Variants in TTC8 observed in about 807,000 individuals in gnomAD.
TTC8 encodes tetratricopeptide repeat domain 8, also known as tetratricopeptide repeat protein 8.
TTC8 carries 47 observed loss-of-function variants against 72.5 expected under a neutral mutation model. That is an observed-to-expected ratio of 0.65 (90% CI 0.51 to 0.83). The LOEUF is 0.83. Ranked by LOEUF, TTC8 falls within the 40% of genes least tolerant of loss-of-function variation. TTC8 has a pLI of 0.00. For synonymous variants in TTC8, 199 were observed against 221.4 expected (o/e 0.90, Z 0.90); for missense variants, 611 against 623.2 (o/e 0.98, Z 0.21).
intron 8 of TTC8, among the ~76,000 whole-genome samples, chr14:88,853,608 T>A (rs533137648): frequency 6.6e-6 from 1 of 152,316 alleles, no homozygotes; most frequent in South Asian, 2.1e-4. Context: ...ACGTAACCAG[T>A]AAGTGGCAGA....
At chr14:88,824,286 G>A (rs1287662), upstream of TTC8, 34,839 of 166,694 alleles carry the variant, frequency 0.21, 3,922 homozygotes, top group Admixed American at 0.31. Flanking sequence ...GGAAACGAGC[G>A]AATGGAAGAA....
Position 88,843,787 on chromosome 14 carries a change from G to T in TTC8, c.580-19G>T. The T allele has an allele frequency of 1.9e-6, 3 of 1,573,888 alleles. No individual in the cohort carries two copies. Among genetic ancestry groups the T allele is most frequent in the South Asian group, 2.3e-5 (2 of 85,992 alleles). ...AAAAAAAAAAATCTAACGTATTTTT[G>T]ACACTTTTTTCTTCACAGGCTTTGT... On this transcript the variant is annotated intron_variant, in intron 6 of 14. Coordinates refer to ENST00000380656, the MANE Select transcript of TTC8 (RefSeq NM_144596.4).
intron 9 of TTC8, among the ~76,000 whole-genome samples, chr14:88,860,519 T>G (rs2094880481): frequency 6.6e-6 from 1 of 152,216 alleles, no homozygotes; most frequent in Non-Finnish European, 1.5e-5. Flanking sequence ...CTCTCAGGCC[T>G]TGTTCCATGG....
At chr14:88,872,209 A>G in intron 12 of TTC8, 121 bp from the exon 13 acceptor site, 1 of 1,389,036 alleles carries the variant, frequency 7.2e-7, no homozygotes, top group Non-Finnish European at 1.0e-6. Context: ...ATTCACATTG[A>G]CTTCTATAAT....
intron 13 of TTC8, among the ~76,000 whole-genome samples, chr14:88,872,859 T>A (rs1245704953): frequency 1.3e-5 from 2 of 152,036 alleles, no homozygotes; most frequent in East Asian, 3.9e-4. Flanking sequence ...GACCTCAGAG[T>A]CCCATCACAT....
chr14:88,826,600 A>G (rs908445710), intron 1 of TTC8, among the ~76,000 whole-genome samples: 2 of 152,032 alleles, frequency 1.3e-5, no homozygotes, highest in African/African-American at 4.8e-5. Flanking sequence ...GTTACTCGGG[A>G]GGCCGAGGTA....
At chr14:88,859,700 A>G (rs1009142976) in intron 9 of TTC8, among the ~76,000 whole-genome samples, 1 of 151,480 alleles carries the variant, frequency 6.6e-6, no homozygotes, top group African/African-American at 2.4e-5. Context: ...AGGCTGGAGG[A>G]TTGCTTGAGT....
intron 8 of TTC8, among the ~76,000 whole-genome samples, chr14:88,854,691 A>G (rs1484783232): frequency 1.3e-5 from 2 of 152,074 alleles, no homozygotes; most frequent in African/African-American, 4.8e-5. Context: ...ATTTTATTTT[A>G]TTATATTTTT....
chr14:88,848,306 T>C (rs997385669), intron 7 of TTC8, among the ~76,000 whole-genome samples: 8 of 152,066 alleles, frequency 5.3e-5, no homozygotes, highest in African/African-American at 1.9e-4. Flanking sequence ...CTTTGAGTTT[T>C]ATATTTATGA....
At chr14:88,844,671 A>G (rs2094797769) in intron 7 of TTC8, among the ~76,000 whole-genome samples, 1 of 151,808 alleles carries the variant, frequency 6.6e-6, no homozygotes, top group South Asian at 2.1e-4. Context: ...CAGCCTCCCA[A>G]GTAGCTGGGA....
chr14:88,877,316 AT>A lies in TTC8; in HGVS notation c.1455del (p.Tyr485Ter). The A allele has an allele frequency of 6.2e-7, 1 of 1,613,678 alleles. No homozygotes were observed. Among genetic ancestry groups the A allele is most frequent in the Non-Finnish European group, 8.5e-7 (1 of 1,179,766 alleles). On this transcript the variant is annotated frameshift_variant, in exon 15 of 15. Transcript: ENST00000380656. LOFTEE classifies it high-confidence loss of function. Reference protein sequence around the residue: ...SDKIGDLQRSYVAAQKSEAAF... With the variant: ...SDKIGDLQRSXVAAQKSEAAF... The stretch of plus-strand genomic sequence containing the variant: ...CAGATTGGAGATCTGCAGAGAAGCT[AT>A]GTTGCTGCGCAGAAGTCTGAAGCAG...
chr14:88,875,548 G>A (rs1236169342), intron 14 of TTC8, among the ~76,000 whole-genome samples: 1 of 152,098 alleles, frequency 6.6e-6, no homozygotes, highest in Non-Finnish European at 1.5e-5. Context: ...GAATATGGGG[G>A]AAATAATACT....
At chr14:88,853,865 A>G (rs908209940) in intron 8 of TTC8, among the ~76,000 whole-genome samples, 5 of 152,222 alleles carry the variant, frequency 3.3e-5, no homozygotes, top group Admixed American at 6.5e-5. Flanking sequence ...ATAGAAACAA[A>G]TGAACAATTC....
chr14:88,866,329 T>C (rs960800642), intron 10 of TTC8, among the ~76,000 whole-genome samples: 1 of 151,978 alleles, frequency 6.6e-6, no homozygotes, highest in Non-Finnish European at 1.5e-5. Flanking sequence ...AAGACTGCTT[T>C]TGATTTCCTC....
intron 10 of TTC8, 38 bp downstream of exon 10, chr14:88,861,370 C>A: frequency 7.0e-7 from 1 of 1,434,096 alleles, no homozygotes; most frequent in Non-Finnish European, 9.7e-7. Flanking sequence ...TATTGATACA[C>A]AATAGTTTTA....
chr14:88,877,283 AT>A lies in TTC8; in HGVS notation c.1432-5del. 6.2e-7 allele frequency: 1 copy of A among 1,607,854 alleles called. No individual in the cohort carries two copies. Among genetic ancestry groups the A allele is most frequent in the Non-Finnish European group, 8.5e-7 (1 of 1,175,014 alleles). On this transcript the variant is annotated splice_polypyrimidine_tract_variant and intron_variant, in intron 14 of 14. Transcript: ENST00000380656. Reference sequence around the variant, plus strand: ...TCTCATTCCATGGTCTTATTCTTGTATTTTTTGCAGATTGGAGATCTGCAGA... The same window carrying A: ...TCTCATTCCATGGTCTTATTCTTGTATTTTTGCAGATTGGAGATCTGCAGA...
chr14:88,834,916 G>T (rs187379668), intron 2 of TTC8, among the ~76,000 whole-genome samples: 1 of 152,114 alleles, frequency 6.6e-6, no homozygotes, highest in African/African-American at 2.4e-5. Flanking sequence ...TTATTTTCCT[G>T]TTCTGTTTGT....
intron 1 of TTC8, chr14:88,831,006 AG>A: frequency 2.3e-6 from 1 of 437,396 alleles, no homozygotes; most frequent in Non-Finnish European, 4.6e-6. Context: ...CAGAGTGTCT[AG>A]GTTCAAATAC....
intron 9 of TTC8, among the ~76,000 whole-genome samples, chr14:88,858,754 AT>A (rs138871136): frequency 0.026 from 2,297 of 86,872 alleles, 41 homozygotes; most frequent in African/African-American, 0.1. Flanking sequence ...TGCCTGGATA[AT>A]TTTTTTTTTT....
Sources: gnomAD v4.1 joint callset for allele counts (sites outside exome capture counted in the v4.1 genomes callset) on GRCh38, gnomAD v4.1.1 for gene constraint, MANE v1.5 for transcripts, NCBI Gene and HGNC (gene_info 2026-07-23, HGNC 2026-07-21) for gene names.